Variants in PARVA observed in about 807,000 individuals in gnomAD.
PARVA encodes parvin alpha.
In PARVA, 25 loss-of-function variants were observed where a neutral mutation model predicts 52.6. The ratio of observed to expected loss-of-function variants is 0.48; its 90% confidence interval spans 0.35 to 0.66. PARVA has a LOEUF of 0.66. PARVA is among the 30% of genes least tolerant of loss of function. The probability of loss-of-function intolerance (pLI) is 0.01; values close to 1 mark genes in which losing one functional copy is unlikely to be tolerated. For synonymous variants in PARVA, 185 were observed against 179.1 expected (o/e 1.03, Z -0.26); for missense variants, 373 against 450.9 (o/e 0.83, Z 1.56).
chr11:12,510,725 T>C (rs1231216071), intron 7 of PARVA, among the ~76,000 whole-genome samples: 1 of 152,176 alleles, frequency 6.6e-6, no homozygotes, highest in Non-Finnish European at 1.5e-5. Context: ...CCATGGGATC[T>C]CATGAGAATT....
chr11:12,466,873 C>T (rs78872515), intron 1 of PARVA, among the ~76,000 whole-genome samples: 4,275 of 152,204 alleles, frequency 0.028, 213 homozygotes, highest in African/African-American at 0.097. Flanking sequence ...TACTCTAGGT[C>T]TCTCGCCTTT....
intron 1 of PARVA, among the ~76,000 whole-genome samples, chr11:12,472,734 A>T (rs1940950258): frequency 6.6e-6 from 1 of 152,182 alleles, no homozygotes; most frequent in Non-Finnish European, 1.5e-5. Context: ...ATTAAGGTTG[A>T]TTGCAGCTGC....
At chr11:12,491,232 A>G (rs1416246771) in intron 4 of PARVA, among the ~76,000 whole-genome samples, 1 of 152,212 alleles carries the variant, frequency 6.6e-6, no homozygotes. Flanking sequence ...GCACAATCAC[A>G]GCCGACTGTA....
chr11:12,504,991 C>G (rs1349341279), intron 6 of PARVA, among the ~76,000 whole-genome samples: 1 of 152,136 alleles, frequency 6.6e-6, no homozygotes, highest in Admixed American at 6.5e-5. Flanking sequence ...CACCCACTCA[C>G]AGAAGCACAG....
Position 12,532,553 on chromosome 11 carries a change from G to C in PARVA, c.*4628G>C, listed in dbSNP as rs1941785422. Among the ~76,000 whole-genome samples, 1 of 152,204 alleles carries C rather than the reference G, an allele frequency of 6.6e-6. No individual in the cohort carries two copies. Among genetic ancestry groups the C allele is most frequent in the African/African-American group, 2.4e-5 (1 of 41,436 alleles). On this transcript the variant is annotated 3_prime_UTR_variant, in exon 13 of 13. Coordinates refer to ENST00000334956, the MANE Select transcript of PARVA (RefSeq NM_018222.5). Reference sequence around the variant, plus strand: ...GTCCAAGGGTGAGTGAGAGATTATAGCTAGCAGGGGAGACAGATGAAAAAT... The same window carrying C: ...GTCCAAGGGTGAGTGAGAGATTATACCTAGCAGGGGAGACAGATGAAAAAT...
chr11:12,499,849 C>G (rs1356943288), intron 5 of PARVA, among the ~76,000 whole-genome samples: 6 of 152,112 alleles, frequency 3.9e-5, no homozygotes, highest in Non-Finnish European at 8.8e-5. Context: ...AAAATGAGAT[C>G]AACCTGTTTA....
At position 12,518,432 on chromosome 11, in the gene PARVA, T is replaced by A; in HGVS notation, c.970-13T>A. 1 of 1,610,942 alleles carries A rather than the reference T, an allele frequency of 6.2e-7. No homozygotes were observed. Among genetic ancestry groups the A allele is most frequent in the Non-Finnish European group, 8.5e-7 (1 of 1,177,506 alleles). ...TGTGCAATGGTACATGCTGTCTGCA[T>A]CTCTCTTGCCAGGTCTTGAATGTCT... On this transcript the variant is annotated splice_polypyrimidine_tract_variant and intron_variant, in intron 11 of 12. Transcript: ENST00000334956.
intron 1 of PARVA, among the ~76,000 whole-genome samples, chr11:12,464,377 C>G (rs1341578147): frequency 2.0e-5 from 3 of 152,206 alleles, no homozygotes; most frequent in African/African-American, 7.2e-5. Flanking sequence ...AGTGAGAAAA[C>G]TGGCTCCTAC....
At chr11:12,435,635 A>G (rs1247580268) in intron 1 of PARVA, among the ~76,000 whole-genome samples, 1 of 152,190 alleles carries the variant, frequency 6.6e-6, no homozygotes, top group Non-Finnish European at 1.5e-5. Context: ...GGTGGTTCCT[A>G]AACTCTGGAG....
intron 1 of PARVA, among the ~76,000 whole-genome samples, chr11:12,435,442 C>T (rs1940373910): frequency 6.6e-6 from 1 of 152,188 alleles, no homozygotes; most frequent in Non-Finnish European, 1.5e-5. Context: ...ATGTGAAACA[C>T]ACAGATGGGT....
In PARVA at chr11:12,381,890, A is replaced by T. The variant is rs557847340; in HGVS notation, c.136+4107A>T. Among the ~76,000 whole-genome samples, 5 of 152,336 alleles carry T rather than the reference A, an allele frequency of 3.3e-5. No individual in the cohort carries two copies. In the East Asian group the frequency reaches 7.7e-4, roughly 23 times the overall value. ...CTTATAATGTCATGACTTTTCTCTGATACTTGGGAGTACTTCCAGCATCTC... is the reference window on the plus strand; with the variant it reads ...CTTATAATGTCATGACTTTTCTCTGTTACTTGGGAGTACTTCCAGCATCTC... On this transcript the variant is annotated intron_variant, in intron 1 of 12. Coordinates refer to ENST00000334956, the MANE Select transcript of PARVA (RefSeq NM_018222.5).
At chr11:12,454,415 A>T (rs1940666355) in intron 1 of PARVA, among the ~76,000 whole-genome samples, 1 of 152,180 alleles carries the variant, frequency 6.6e-6, no homozygotes, top group Non-Finnish European at 1.5e-5. Context: ...TATATATTAA[A>T]TATAGTAATC....
intron 1 of PARVA, among the ~76,000 whole-genome samples, chr11:12,433,168 T>C (rs530829804): frequency 1.1e-4 from 16 of 152,242 alleles, no homozygotes; most frequent in Non-Finnish European, 4.4e-5. Flanking sequence ...CCAAGTTTCA[T>C]TTTTGCGACG....
Position 12,530,649 on chromosome 11 carries a change from A to T in PARVA, c.*2724A>T, listed in dbSNP as rs1273245506. 1.3e-5 allele frequency: 2 copies of T among 152,206 alleles called. No homozygotes were observed. Among genetic ancestry groups the T allele is most frequent in the Non-Finnish European group, 2.9e-5 (2 of 68,042 alleles). 9.4% of individuals were successfully genotyped at this position (152,206 alleles called of 1,614,324 possible). A position where few individuals can be genotyped will look rare whatever the true frequency, so the allele number is the denominator to read the frequency against. Reference sequence around the variant, plus strand: ...AGATACTCTAGGCATGTAAAGCACAAACATACATATAAAATCTGCGGGCTT... The same window carrying T: ...AGATACTCTAGGCATGTAAAGCACATACATACATATAAAATCTGCGGGCTT... On this transcript the variant is annotated 3_prime_UTR_variant, in exon 13 of 13. Coordinates refer to ENST00000334956, the MANE Select transcript of PARVA (RefSeq NM_018222.5).
chr11:12,513,181 G>A (rs1273994564), intron 8 of PARVA, 118 bp from the exon 9 acceptor site: 1 of 821,524 alleles, frequency 1.2e-6, no homozygotes, highest in Non-Finnish European at 2.2e-6. Flanking sequence ...TACCCCAGAG[G>A]CTTCCCATCG....
chr11:12,435,036 C>CT (rs971484941), intron 1 of PARVA, among the ~76,000 whole-genome samples: 1 of 152,196 alleles, frequency 6.6e-6, no homozygotes, highest in Non-Finnish European at 1.5e-5. Flanking sequence ...TAAGGTGCTG[C>CT]TTTTTTGCTT....
At chr11:12,393,044 G>GAAAAAAAAAAAA (rs60966710) in intron 1 of PARVA, among the ~76,000 whole-genome samples, 2 of 46,164 alleles carry the variant, frequency 4.3e-5, no homozygotes, top group East Asian at 6.0e-4. Flanking sequence ...CCCAAATTGT[G>GAAAAAAAAAAAA]AAAAAAAAAA....
At chr11:12,378,075 G>A (rs1589933268) in intron 1 of PARVA, among the ~76,000 whole-genome samples, 1 of 150,872 alleles carries the variant, frequency 6.6e-6, no homozygotes, top group East Asian at 1.9e-4. Context: ...GTGGGCGGGC[G>A]CCGCTTGGCG....
chr11:12,530,412 G>T lies in PARVA; in HGVS notation c.*2487G>T, dbSNP rs572570738. 2 of 152,216 alleles carry T rather than the reference G, an allele frequency of 1.3e-5. No individual in the cohort carries two copies. The highest frequency in any genetic ancestry group is 6.5e-5 in the Admixed American group (1 of 15,290). 9.4% of individuals were successfully genotyped at this position (152,216 alleles called of 1,614,324 possible). A position where few individuals can be genotyped will look rare whatever the true frequency, so the allele number is the denominator to read the frequency against. ...AAAAAAAGAAAAAAGAAACCAAAAT[G>T]AGAATCAACACTTCATAGGCTCACT... On this transcript the variant is annotated 3_prime_UTR_variant, in exon 13 of 13. Coordinates refer to ENST00000334956, the MANE Select transcript of PARVA (RefSeq NM_018222.5).
Sources: allele counts gnomAD v4.1 joint callset (sites outside exome capture counted in the v4.1 genomes callset), GRCh38; gene constraint gnomAD v4.1.1; transcripts MANE v1.5; gene names NCBI Gene and HGNC (gene_info 2026-07-23, HGNC 2026-07-21).